Variants in SELENOI observed in about 807,000 individuals in gnomAD.
SELENOI encodes selenoprotein I.
SELENOI carries 24 observed loss-of-function variants against 50.7 expected under a neutral mutation model. That is an observed-to-expected ratio of 0.47 (90% CI 0.34 to 0.67). The LOEUF (loss-of-function observed/expected upper bound fraction) is 0.67, where lower values mean the gene tolerates loss of function less well. Among genes scored for constraint, SELENOI ranks in the 30% least tolerant of loss-of-function variants. The probability of loss-of-function intolerance (pLI) is 0.01; values close to 1 mark genes in which losing one functional copy is unlikely to be tolerated. For missense variants in SELENOI, 352 were observed against 461.4 expected, an observed-to-expected ratio of 0.76 and a Z score of 2.17; for synonymous variants, 155 against 170.2, an observed-to-expected ratio of 0.91 and a Z score of 0.70.
chr2:26,380,733 G>A (rs542980346), intron 6 of SELENOI, among the ~76,000 whole-genome samples: 3 of 152,268 alleles, frequency 2.0e-5, no homozygotes, highest in African/African-American at 2.4e-5. Context: ...GTGATTTTCT[G>A]TTCCTACCAG....
At chr2:26,371,150 G>C (rs1163323178) in intron 4 of SELENOI, among the ~76,000 whole-genome samples, 12 of 150,710 alleles carry the variant, frequency 8.0e-5, no homozygotes, top group Admixed American at 5.3e-4. Context: ...GGGCTGGCGG[G>C]GGGCTGACCC....
intron 1 of SELENOI, among the ~76,000 whole-genome samples, chr2:26,360,856 C>T (rs2147948014): frequency 6.6e-6 from 1 of 152,234 alleles, no homozygotes; most frequent in East Asian, 1.9e-4. Context: ...CCTGTCAGTT[C>T]AGAACTCTTT....
intron 4 of SELENOI, among the ~76,000 whole-genome samples, chr2:26,371,543 C>G (rs1677446926): frequency 6.6e-6 from 1 of 152,202 alleles, no homozygotes; most frequent in African/African-American, 2.4e-5. Context: ...GAGCCGAGAT[C>G]ACGCCACTGC....
intron 8 of SELENOI, 132 bp downstream of exon 8, chr2:26,385,271 AAT>A: frequency 1.7e-6 from 1 of 574,608 alleles, no homozygotes; most frequent in Non-Finnish European, 2.6e-6. Context: ...AATTTGAAAG[AAT>A]AGTAACCTCA....
chr2:26,369,240 C>CTACA (rs1342441067), intron 4 of SELENOI, among the ~76,000 whole-genome samples: 13 of 152,152 alleles, frequency 8.5e-5, no homozygotes, highest in Admixed American at 5.9e-4. Context: ...GATTCTCACT[C>CTACA]TACAGTCTTA....
At position 26,364,059 on chromosome 2, in the gene SELENOI, T is replaced by C. The variant is rs553416498; in HGVS notation, c.58-243T>C. On this transcript the variant is annotated intron_variant, in intron 1 of 9. Transcript: ENST00000260585. ...TGCCTGGCCTGTAGTATTTTTGTAC[T>C]ATTACTTTCTTTCTCCCCCTTTTTT... Among the ~76,000 whole-genome samples the C allele has an allele frequency of 4.2e-4, 64 of 150,618 alleles. 2 individuals are homozygous for C. Among genetic ancestry groups the C allele is most frequent in the African/African-American group, 1.4e-3 (57 of 41,018 alleles).
At chr2:26,371,181 G>A (rs1193171511) in intron 4 of SELENOI, among the ~76,000 whole-genome samples, 33 of 151,762 alleles carry the variant, frequency 2.2e-4, no homozygotes, top group African/African-American at 7.2e-4. Context: ...CCTCCCGGAC[G>A]GGGTGGCTGC....
intron 4 of SELENOI, among the ~76,000 whole-genome samples, chr2:26,370,977 G>T (rs1677421514): frequency 4.4e-5 from 6 of 136,064 alleles, no homozygotes; most frequent in East Asian, 2.3e-4. Context: ...CGGGCGGGGG[G>T]CTGACCCCCC....
In SELENOI at chr2:26,361,102, T is replaced by C. The variant is rs148430473; in HGVS notation, c.58-3200T>C. On this transcript the variant is annotated intron_variant, in intron 1 of 9. Coordinates refer to ENST00000260585, the MANE Select transcript of SELENOI (RefSeq NM_033505.4). ...GGTGGTGGGCGCCTATAGTCCTAGC[T>C]ACTCAGGAGGCTGAAGCAGGAGAAT... 2.7e-4 allele frequency among the ~76,000 whole-genome samples: 41 copies of C among 152,234 alleles called. No homozygotes were observed. In the East Asian group the frequency reaches 5.2e-3, roughly 19 times the overall value.
At chr2:26,375,343 A>G (rs1165959676) in intron 6 of SELENOI, among the ~76,000 whole-genome samples, 195 bp downstream of exon 6, 5 of 152,332 alleles carry the variant, frequency 3.3e-5, no homozygotes, top group African/African-American at 7.2e-5. Flanking sequence ...TTTTTTGTTC[A>G]GCATCAGCTA....
intron 1 of SELENOI, chr2:26,346,936 C>CAAAA (rs1676793598): frequency 6.6e-6 from 1 of 152,210 alleles, no homozygotes; most frequent in Non-Finnish European, 1.5e-5. Context: ...CCCCGCTCAG[C>CAAAA]CTCTCTTTTG....
At chr2:26,347,454 G>C (rs1023223054) in intron 1 of SELENOI, among the ~76,000 whole-genome samples, 3 of 152,030 alleles carry the variant, frequency 2.0e-5, no homozygotes, top group African/African-American at 7.2e-5. Flanking sequence ...AAAAAGCAAG[G>C]GTCCTTAGAA....
chr2:26,361,553 GACTGCTGT>G (rs1273719909), intron 1 of SELENOI, among the ~76,000 whole-genome samples: 1 of 152,200 alleles, frequency 6.6e-6, no homozygotes, highest in African/African-American at 2.4e-5. Context: ...TTAAGTAGGT[GACTGCTGT>G]ACTAATATAA....
chr2:26,348,250 C>A (rs1676855297), intron 1 of SELENOI, among the ~76,000 whole-genome samples: 2 of 152,124 alleles, frequency 1.3e-5, no homozygotes, highest in Admixed American at 1.3e-4. Context: ...TTTAAAAAGT[C>A]TTTTTTCCCC....
intron 1 of SELENOI, among the ~76,000 whole-genome samples, chr2:26,361,372 A>G (rs1677173947): frequency 6.6e-6 from 1 of 152,272 alleles, no homozygotes; most frequent in Non-Finnish European, 1.5e-5. Context: ...CACCTGTGAT[A>G]AAGTTTAGGC....
chr2:26,370,762 C>T (rs1475935320), intron 4 of SELENOI, among the ~76,000 whole-genome samples: 1 of 143,402 alleles, frequency 7.0e-6, no homozygotes, highest in Non-Finnish European at 1.6e-5. Flanking sequence ...ACCTCCCTCC[C>T]GGACGGGGCG....
In SELENOI at chr2:26,390,240, A is replaced by G. The variant is rs2147965608; in HGVS notation, c.*1137A>G. 6.6e-6 allele frequency: 1 copy of G among 152,278 alleles called. No individual in the cohort carries two copies. Among genetic ancestry groups the G allele is most frequent in the South Asian group, 2.1e-4 (1 of 4,800 alleles). 9.4% of individuals were successfully genotyped at this position (152,278 alleles called of 1,614,324 possible). ...ACTGACAAACATAAAAATCCCTTTA[A>G]TTGTAGTGTAGTTGTTCTATAAACC... is the stretch of plus-strand genomic sequence containing the variant. On this transcript the variant is annotated 3_prime_UTR_variant, in exon 10 of 10. Coordinates refer to ENST00000260585, the MANE Select transcript of SELENOI (RefSeq NM_033505.4).
At chr2:26,366,903 ACT>A (rs1405267915) in intron 3 of SELENOI, among the ~76,000 whole-genome samples, 1 of 152,120 alleles carries the variant, frequency 6.6e-6, no homozygotes, top group Non-Finnish European at 1.5e-5. Flanking sequence ...AAAGGTGAAC[ACT>A]CAGTCTTGAG....
intron 1 of SELENOI, among the ~76,000 whole-genome samples, chr2:26,363,023 T>C (rs757394151): frequency 1.3e-4 from 20 of 152,194 alleles, no homozygotes; most frequent in Non-Finnish European, 2.1e-4. Flanking sequence ...TCTTTTAAAA[T>C]TTCCTTTACA....
Sources: gnomAD v4.1 joint callset for allele counts (sites outside exome capture counted in the v4.1 genomes callset) on GRCh38, gnomAD v4.1.1 for gene constraint, MANE v1.5 for transcripts, NCBI Gene and HGNC (gene_info 2026-07-23, HGNC 2026-07-21) for gene names.